Variants in HFM1 observed in about 807,000 individuals in gnomAD.
HFM1 encodes the protein probable ATP-dependent DNA helicase HFM1.
A neutral mutation model predicts 192.1 loss-of-function variants in HFM1; 169 were observed. The observed-to-expected ratio is 0.88, with a 90% CI of 0.78 to 1.00. The LOEUF (loss-of-function observed/expected upper bound fraction) is 1.00, where lower values mean the gene tolerates loss of function less well. Among genes scored for constraint, HFM1 ranks in the 50% least tolerant of loss-of-function variants. The pLI, the probability that HFM1 is intolerant of heterozygous loss-of-function variation, is 0.00. For synonymous variants in HFM1, 525 were observed against 537.8 expected (o/e 0.98, Z 0.33); for missense variants, 1,661 against 1,668.0 (o/e 1.00, Z 0.07).
chr1:91,364,725 C>T (rs1378658512), intron 13 of HFM1, among the ~76,000 whole-genome samples: 13 of 149,416 alleles, frequency 8.7e-5, no homozygotes, highest in Admixed American at 2.7e-4. Context: ...CTCTGCCCCC[C>T]GGGGTTCACG....
In HFM1 at chr1:91,262,564, T is replaced by C. The variant is rs749502424; in HGVS notation, c.4003A>G (p.Ile1335Val). The change falls in exon 37 of 39, where the codon ATT (isoleucine) becomes GTT (valine). Residue 1335 changes from isoleucine (I) to valine (V), a missense_variant. Coordinates refer to ENST00000370425, the MANE Select transcript of HFM1 (RefSeq NM_001017975.6). ...SFVSSHEMSD[I>V]SLSNSAMPKF... ...GGCATAGCAGAATTTGATAAAGAAA[T>C]ATCCGACATCTCATGTGATGAAACA... is the stretch of plus-strand genomic sequence containing the variant. The C allele has an allele frequency of 6.2e-6, 10 of 1,602,982 alleles. No individual in the cohort carries two copies. The highest frequency in any genetic ancestry group is 8.5e-6 in the Non-Finnish European group (10 of 1,172,358).
At chr1:91,353,182 T>C in intron 14 of HFM1, 30 bp from the exon 15 acceptor site, 2 of 1,561,228 alleles carry the variant, frequency 1.3e-6, no homozygotes, top group East Asian at 2.2e-5. Context: ...GCTGTTACTA[T>C]TAATATTTCA....
chr1:91,395,020 T>C (rs1663480171), intron 3 of HFM1, among the ~76,000 whole-genome samples: 1 of 150,432 alleles, frequency 6.6e-6, no homozygotes, highest in Non-Finnish European at 1.5e-5. Flanking sequence ...TTATTTGATA[T>C]AAGTATATAT....
At position 91,353,260 on chromosome 1, in the gene HFM1, C is replaced by G; in HGVS notation, c.1725G>C (p.Leu575=). ...KYAYSVRDSK[L]RDILKDGAAY... is the part of the protein sequence containing the mutation. ...AAAAATTATCTCTAAACCTACCTCT[C>G]AGTTTTGAATCTCTTACGGAATATG... is the stretch of plus-strand genomic sequence containing the variant. The change falls in exon 14 of 39, where the codon CTG becomes CTC. Residue 575 remains leucine, a synonymous_variant. Coordinates refer to ENST00000370425, the MANE Select transcript of HFM1 (RefSeq NM_001017975.6). The G allele has an allele frequency of 6.3e-7, 1 of 1,585,994 alleles. No individual in the cohort carries two copies. Among genetic ancestry groups the G allele is most frequent in the South Asian group, 1.1e-5 (1 of 89,626 alleles).
intron 13 of HFM1, among the ~76,000 whole-genome samples, chr1:91,369,440 G>A (rs1287668856): frequency 6.6e-6 from 1 of 152,188 alleles, no homozygotes; most frequent in Non-Finnish European, 1.5e-5. Context: ...TCAGGATTAA[G>A]AAACTCACTC....
intron 1 of HFM1, among the ~76,000 whole-genome samples, chr1:91,404,028 A>G (rs1484822290): frequency 1.3e-5 from 2 of 152,212 alleles, no homozygotes; most frequent in African/African-American, 4.8e-5. Flanking sequence ...AATTTTTGTG[A>G]GTTAAGGAAG....
chr1:91,356,996 A>G (rs1657834780), intron 13 of HFM1, among the ~76,000 whole-genome samples: 1 of 152,208 alleles, frequency 6.6e-6, no homozygotes, highest in Non-Finnish European at 1.5e-5. Flanking sequence ...CCAGAACCAG[A>G]CAGCATCACA....
Position 91,378,027 on chromosome 1 carries a change from C to T in HFM1, c.1393G>A (p.Asp465Asn), listed in dbSNP as rs763896199. ...GCTCAGTTAAAATTGTAACTCACAT[C>T]CTCAGCATTTGGAATTGTTGCAGAT... ...AVSATIPNAE[D>N]IAEWLSDGER... The change falls in exon 11 of 39, where the codon GAT (aspartate) becomes AAT (asparagine). Residue 465 changes from aspartate to asparagine, a missense_variant and splice_region_variant. Asp to Asn is a conservative substitution (Grantham distance 23). Transcript: ENST00000370425. 2 of 1,610,272 alleles carry T rather than the reference C, an allele frequency of 1.2e-6. No individual in the cohort carries two copies. The highest frequency in any genetic ancestry group is 2.7e-5 in the African/African-American group (2 of 74,712).
At chr1:91,353,180 T>C (rs1252766930) in intron 14 of HFM1, 28 bp from the exon 15 acceptor site, 1 of 1,558,664 alleles carries the variant, frequency 6.4e-7, no homozygotes. Context: ...CAGCTGTTAC[T>C]ATTAATATTT....
chr1:91,279,426 CATGATACA>C (rs1322920743), intron 30 of HFM1, among the ~76,000 whole-genome samples: 2 of 152,144 alleles, frequency 1.3e-5, no homozygotes, highest in African/African-American at 4.8e-5. Flanking sequence ...TCCAGTCCTC[CATGATACA>C]ATTTATTCTA....
chr1:91,306,610 T>C (rs969770697), intron 30 of HFM1, among the ~76,000 whole-genome samples: 1 of 152,202 alleles, frequency 6.6e-6, no homozygotes, highest in East Asian at 1.9e-4. Context: ...TTAAAGACTT[T>C]TGGATCTATG....
At chr1:91,381,264 TG>T (rs1205571274) in intron 6 of HFM1, among the ~76,000 whole-genome samples, 2 of 152,192 alleles carry the variant, frequency 1.3e-5, no homozygotes, top group Non-Finnish European at 1.5e-5. Flanking sequence ...AAGTACATAA[TG>T]GCAAGTAAAT....
intron 4 of HFM1, among the ~76,000 whole-genome samples, chr1:91,386,802 G>A (rs1662263830): frequency 6.6e-6 from 1 of 152,148 alleles, no homozygotes. Flanking sequence ...TGAATTAAAA[G>A]TTGTCAGCAA....
At chr1:91,389,136 T>G (rs1221944888) in intron 4 of HFM1, among the ~76,000 whole-genome samples, 1 of 137,244 alleles carries the variant, frequency 7.3e-6, no homozygotes, top group Non-Finnish European at 1.6e-5. Flanking sequence ...TGTTGGGTTT[T>G]TTTTTTTTTT....
At chr1:91,276,825 C>A (rs1666865907) in intron 31 of HFM1, 82 bp from the exon 32 acceptor site, 1 of 830,436 alleles carries the variant, frequency 1.2e-6, no homozygotes, top group African/African-American at 1.8e-5. Flanking sequence ...AATTTCAAAT[C>A]TAGTATTTAC....
At chr1:91,363,464 A>G (rs1658801331) in intron 13 of HFM1, among the ~76,000 whole-genome samples, 1 of 152,128 alleles carries the variant, frequency 6.6e-6, no homozygotes. Context: ...AGAGAAATGT[A>G]AATCAAAACC....
chr1:91,320,562 ATATT>A (rs1156826050), intron 23 of HFM1, among the ~76,000 whole-genome samples: 1 of 152,230 alleles, frequency 6.6e-6, no homozygotes, highest in African/African-American at 2.4e-5. Context: ...TTTTGAAGTA[ATATT>A]TATTTATATT....
chr1:91,300,615 C>A lies in HFM1; in HGVS notation c.3391+12734G>T, dbSNP rs189615465. Among the ~76,000 whole-genome samples the A allele has an allele frequency of 2.1e-3, 322 of 152,276 alleles. 1 individual carries two copies. The highest frequency in any genetic ancestry group is 7.3e-3 in the African/African-American group (305 of 41,544). On this transcript the variant is annotated intron_variant, in intron 30 of 38. Coordinates refer to ENST00000370425, the MANE Select transcript of HFM1 (RefSeq NM_001017975.6). The stretch of plus-strand genomic sequence containing the variant: ...TCAAGTGGGCTTCATCCCTGGGATG[C>A]AAGGCTAGTTCAACATATGCAAATC...
intron 1 of HFM1, among the ~76,000 whole-genome samples, chr1:91,404,120 G>C (rs1272699641): frequency 6.6e-6 from 1 of 152,164 alleles, no homozygotes; most frequent in Non-Finnish European, 1.5e-5. Flanking sequence ...AAATCAACGG[G>C]AACAAATTAC....
Sources: gnomAD v4.1 joint callset for allele counts (sites outside exome capture counted in the v4.1 genomes callset) on GRCh38, gnomAD v4.1.1 for gene constraint, MANE v1.5 for transcripts, NCBI Gene and HGNC (gene_info 2026-07-23, HGNC 2026-07-21) for gene names.